Variants in ETS1 observed in about 807,000 individuals in gnomAD.
ETS1 encodes the protein ETS proto-oncogene 1, transcription factor.
Under a neutral mutation model 58.6 loss-of-function variants are expected in ETS1, and 15 were observed. The ratio of observed to expected loss-of-function variants is 0.26; its 90% CI spans 0.17 to 0.39. The LOEUF is 0.39. Among genes scored for constraint, ETS1 ranks in the 10% least tolerant of loss-of-function variants. ETS1 has a pLI of 1.00. For missense variants in ETS1, 417 were observed against 610.5 expected (o/e 0.68, Z 3.34); for synonymous variants, 214 against 218.2 (o/e 0.98, Z 0.17).
At chr11:128,514,299 C>T (rs1195122790) in intron 3 of ETS1, among the ~76,000 whole-genome samples, 1 of 152,090 alleles carries the variant, frequency 6.6e-6, no homozygotes, top group Non-Finnish European at 1.5e-5. Flanking sequence ...TCTGCTCTAC[C>T]CTTAAATATT....
At chr11:128,468,375 T>C (rs956537197) in intron 8 of ETS1, among the ~76,000 whole-genome samples, 1 of 152,168 alleles carries the variant, frequency 6.6e-6, no homozygotes, top group Non-Finnish European at 1.5e-5. Flanking sequence ...TAAATACATA[T>C]ATAGCAATGG....
chr11:128,553,852 A>G (rs1213152738), intron 3 of ETS1, among the ~76,000 whole-genome samples: 1 of 152,150 alleles, frequency 6.6e-6, no homozygotes, highest in Non-Finnish European at 1.5e-5. Context: ...TTCTGAGAGC[A>G]TGAACGTGAA....
intron 3 of ETS1, among the ~76,000 whole-genome samples, chr11:128,543,674 T>C (rs998799437): frequency 6.6e-5 from 10 of 152,214 alleles, no homozygotes; most frequent in African/African-American, 2.4e-4. Flanking sequence ...CACTCAATAA[T>C]TTCCTAAAGC....
chr11:128,497,351 A>T (rs1862971021), intron 3 of ETS1, among the ~76,000 whole-genome samples: 1 of 152,180 alleles, frequency 6.6e-6, no homozygotes, highest in South Asian at 2.1e-4. Context: ...GACAAAAGAG[A>T]TGGTCTCCTG....
intron 2 of ETS1, among the ~76,000 whole-genome samples, chr11:128,567,777 C>T (rs547334359): frequency 1.8e-4 from 27 of 152,162 alleles, no homozygotes; most frequent in African/African-American, 6.0e-4. Context: ...GAATTACAGG[C>T]GTCCAATACC....
intron 5 of ETS1, 89 bp downstream of exon 5, chr11:128,489,201 C>A: frequency 1.9e-6 from 2 of 1,076,110 alleles, no homozygotes; most frequent in South Asian, 2.7e-5. Context: ...CAGATAAAGG[C>A]ATTGACGTCC....
intron 3 of ETS1, among the ~76,000 whole-genome samples, chr11:128,517,895 A>G (rs1863567936): frequency 6.6e-6 from 1 of 152,206 alleles, no homozygotes; most frequent in Non-Finnish European, 1.5e-5. Context: ...AAACAGCAAC[A>G]CAAACCAACC....
At chr11:128,498,042 C>G (rs1450740719) in intron 3 of ETS1, among the ~76,000 whole-genome samples, 1 of 152,164 alleles carries the variant, frequency 6.6e-6, no homozygotes, top group Non-Finnish European at 1.5e-5. Context: ...ATGTGTTTTT[C>G]TCTAGCAGCC....
At chr11:128,579,652 C>G (rs1479786231) in intron 1 of ETS1, among the ~76,000 whole-genome samples, 1 of 141,046 alleles carries the variant, frequency 7.1e-6, no homozygotes, top group Non-Finnish European at 1.5e-5. Context: ...AAGAGCAAAA[C>G]TCCATTGAAA....
Position 128,461,098 on chromosome 11 carries a change from C to A in ETS1, c.*1263G>T, listed in dbSNP as rs1442419454. 6.5e-6 allele frequency: 1 copy of A among 152,674 alleles called. No individual in the cohort carries two copies. The highest frequency in any genetic ancestry group is 1.5e-5 in the Non-Finnish European group (1 of 68,046). 9.5% of individuals were successfully genotyped at this position (152,674 alleles called of 1,614,324 possible). The stretch of plus-strand genomic sequence containing the variant: ...GGTCGTGTCTCAAGTTACTTTTTCA[C>A]TCACCAATCAGAAAGCCGTACACTT... On this transcript the variant is annotated 3_prime_UTR_variant, in exon 10 of 10. Coordinates refer to ENST00000392668, the MANE Select transcript of ETS1 (RefSeq NM_001143820.2).
At chr11:128,527,033 G>T (rs974481812) in intron 3 of ETS1, 1 of 452,282 alleles carries the variant, frequency 2.2e-6, no homozygotes, top group African/African-American at 2.0e-5. Flanking sequence ...TTTCACTTTG[G>T]CAGGAGAAGT....
intron 5 of ETS1, among the ~76,000 whole-genome samples, chr11:128,486,470 C>G (rs1344973518): frequency 6.6e-6 from 1 of 152,182 alleles, no homozygotes; most frequent in Admixed American, 6.5e-5. Context: ...GTATGTCGAC[C>G]ACACTATAGC....
intron 8 of ETS1, among the ~76,000 whole-genome samples, chr11:128,469,797 T>C (rs1432739220): frequency 1.3e-5 from 2 of 152,230 alleles, no homozygotes; most frequent in African/African-American, 4.8e-5. Flanking sequence ...TTGGCTGAGT[T>C]CTATGTCTCT....
At chr11:128,469,767 G>C (rs1374204958) in intron 8 of ETS1, among the ~76,000 whole-genome samples, 1 of 152,114 alleles carries the variant, frequency 6.6e-6, no homozygotes, top group African/African-American at 2.4e-5. Flanking sequence ...GAAGATTAAG[G>C]GCCAGGAGTG....
intron 3 of ETS1, among the ~76,000 whole-genome samples, chr11:128,519,104 T>C (rs1347352799): frequency 6.6e-6 from 1 of 152,264 alleles, no homozygotes; most frequent in Non-Finnish European, 1.5e-5. Context: ...GCAATCACAC[T>C]GTTGCAATCA....
At chr11:128,566,529 A>G (rs980854209) in intron 2 of ETS1, among the ~76,000 whole-genome samples, 3 of 152,194 alleles carry the variant, frequency 2.0e-5, no homozygotes, top group African/African-American at 7.2e-5. Context: ...CACACCTGTA[A>G]TCCCAGCACT....
intron 3 of ETS1, among the ~76,000 whole-genome samples, chr11:128,494,159 C>T (rs140261004): frequency 2.6e-5 from 4 of 152,158 alleles, no homozygotes; most frequent in East Asian, 3.8e-4. Flanking sequence ...ATTACAATAT[C>T]TTAAATTCAA....
chr11:128,476,788 T>C (rs778303129), intron 8 of ETS1, among the ~76,000 whole-genome samples: 5 of 152,282 alleles, frequency 3.3e-5, no homozygotes, highest in Non-Finnish European at 7.3e-5. Flanking sequence ...AGCTTTCTGA[T>C]GGTATCAGTT....
At position 128,585,010 on chromosome 11, in the gene ETS1, AG is replaced by A. The variant is rs1415873772; in HGVS notation, c.-15+2477del. Among the ~76,000 whole-genome samples, 21 of 40,794 alleles carry A rather than the reference AG, an allele frequency of 5.1e-4. 3 individuals carry two copies. Among genetic ancestry groups the A allele is most frequent in the East Asian group, 2.3e-3 (2 of 884 alleles). 26.8% of individuals were successfully genotyped at this position (40,794 alleles called of 152,430 possible). A position where few individuals can be genotyped will look rare whatever the true frequency, so the allele number is the denominator to read the frequency against. ...AGAAAGGAAGGAAGGAAGGAAAGAAAGGAAAGAAAGAAGAAAGAAAGAAAAG... is the reference window on the plus strand; with the variant it reads ...AGAAAGGAAGGAAGGAAGGAAAGAAAGAAAGAAAGAAGAAAGAAAGAAAAG... On this transcript the variant is annotated intron_variant, in intron 1 of 9. Transcript: ENST00000392668.
Sources: gnomAD v4.1 joint callset for allele counts (sites outside exome capture counted in the v4.1 genomes callset) on GRCh38, gnomAD v4.1.1 for gene constraint, MANE v1.5 for transcripts, NCBI Gene and HGNC (gene_info 2026-07-23, HGNC 2026-07-21) for gene names.